Variants in CYFIP1 observed in about 807,000 individuals in gnomAD.
The protein encoded by CYFIP1 is cytoplasmic FMR1 interacting protein 1, also known as cytoplasmic FMR1-interacting protein 1.
CYFIP1 carries 58 observed loss-of-function variants against 163.5 expected under a neutral mutation model. That is an observed-to-expected ratio of 0.35 (90% CI 0.29 to 0.44). The LOEUF is 0.44. Ranked by LOEUF, CYFIP1 falls within the 20% of genes least tolerant of loss-of-function variation. The pLI is 1.00. For synonymous variants in CYFIP1, 663 were observed against 660.7 expected (o/e 1.00, Z -0.05); for missense variants, 1,338 against 1,653.8 (o/e 0.81, Z 3.31).
At chr15:22,883,628 T>C (rs987540109) in intron 23 of CYFIP1, among the ~76,000 whole-genome samples, 2 of 151,982 alleles carry the variant, frequency 1.3e-5, no homozygotes, top group Non-Finnish European at 2.9e-5. Context: ...CCATCCTGGC[T>C]AACACGGTGA....
At chr15:22,976,226 C>T (rs1301870968) in intron 1 of CYFIP1, among the ~76,000 whole-genome samples, 9 of 151,838 alleles carry the variant, frequency 5.9e-5, no homozygotes, top group African/African-American at 9.7e-5. Flanking sequence ...GGCGCGATCT[C>T]GGCTCACCAC....
At position 22,954,387 on chromosome 15, in the gene CYFIP1, C is replaced by T. The variant is rs373304746; in HGVS notation, c.-6-7096G>A. Reference sequence around the variant, plus strand: ...GTAGGACGGAGTCACCCAGGTGGGACGCAGATTCCCTGCGCTGTCTGCCAG... The same window carrying T: ...GTAGGACGGAGTCACCCAGGTGGGATGCAGATTCCCTGCGCTGTCTGCCAG... On this transcript the variant is annotated intron_variant, in intron 1 of 30. Coordinates refer to ENST00000617928, the MANE Select transcript of CYFIP1 (RefSeq NM_014608.6). Among the ~76,000 whole-genome samples the T allele has an allele frequency of 2.6e-5, 4 of 152,336 alleles. No individual in the cohort carries two copies. In the East Asian group the frequency reaches 5.8e-4, roughly 22 times the overall value.
rs1444132546 is a variant in CYFIP1, at chr15:22,868,971, A to ACTT, written c.*1054_*1056dup. 6.6e-5 allele frequency: 10 copies of ACTT among 152,258 alleles called. 1 individual carries two copies. The highest frequency in any genetic ancestry group is 6.8e-3 in the Middle Eastern group (2 of 294). 9.4% of individuals were successfully genotyped at this position (152,258 alleles called of 1,614,324 possible). On this transcript the variant is annotated 3_prime_UTR_variant, in exon 31 of 31. Coordinates refer to ENST00000617928, the MANE Select transcript of CYFIP1 (RefSeq NM_014608.6). ...ATTTTCAGAACCTCATTGCCTTAGT[A>ACTT]CTTTTTAAAATATGGCTTTAGTTTC...
intron 11 of CYFIP1, among the ~76,000 whole-genome samples, chr15:22,929,326 G>C (rs1028801293): frequency 6.6e-6 from 1 of 151,870 alleles, no homozygotes; most frequent in African/African-American, 2.4e-5. Context: ...AGTAGTGCTG[G>C]CATTGCTCTT....
intron 1 of CYFIP1, among the ~76,000 whole-genome samples, chr15:22,960,857 G>C (rs2062654235): frequency 6.6e-6 from 1 of 152,194 alleles, no homozygotes; most frequent in South Asian, 2.1e-4. Context: ...CTCTAAAGCT[G>C]CAGGTGGCTT....
rs2060245579 is a variant in CYFIP1 at position 22,896,614 on chromosome 15, A to G, written c.2589-3637T>C. Among the ~76,000 whole-genome samples, 7 of 152,202 alleles carry G rather than the reference A, an allele frequency of 4.6e-5. 1 individual carries two copies. The South Asian group carries it at 1.4e-3, about 32-fold the overall frequency. On this transcript the variant is annotated intron_variant, in intron 22 of 30. Coordinates refer to ENST00000617928, the MANE Select transcript of CYFIP1 (RefSeq NM_014608.6). ...AAAGTCTACTCTGATATTCGGCCCA[A>G]CAAGTAATTTTTCATTCTAGATACT...
At chr15:22,963,875 G>T (rs1172311944) in intron 1 of CYFIP1, among the ~76,000 whole-genome samples, 3 of 152,154 alleles carry the variant, frequency 2.0e-5, no homozygotes, top group Non-Finnish European at 4.4e-5. Flanking sequence ...ACGGCTTGTA[G>T]AAAGGACCTT....
At chr15:22,956,862 G>A (rs1342778668) in intron 1 of CYFIP1, among the ~76,000 whole-genome samples, 2 of 152,246 alleles carry the variant, frequency 1.3e-5, no homozygotes, top group Non-Finnish European at 2.9e-5. Flanking sequence ...CCTGGCCACG[G>A]AGGGACCTTG....
rs761819811 is a variant in CYFIP1 at position 22,917,281 on chromosome 15, G to C, written c.1674+507C>G. On this transcript the variant is annotated intron_variant, in intron 15 of 30. Coordinates refer to ENST00000617928, the MANE Select transcript of CYFIP1 (RefSeq NM_014608.6). The surrounding 1 kb of genome is among the most constrained non-coding windows in gnomAD (Gnocchi z 4.2). ...TGAGGGAGAAGACCAGCCCCAGGACGGAGGACAGACGCAGCGGTGTGGATT... is the reference window on the plus strand; with the variant it reads ...TGAGGGAGAAGACCAGCCCCAGGACCGAGGACAGACGCAGCGGTGTGGATT... The C allele has an allele frequency of 4.0e-5, 55 of 1,376,350 alleles. No individual in the cohort carries two copies. Among genetic ancestry groups the C allele is most frequent in the Non-Finnish European group, 4.9e-5 (52 of 1,071,224 alleles). 85.3% of individuals were successfully genotyped at this position (1,376,350 alleles called of 1,614,324 possible).
At chr15:22,935,260 G>A (rs967530141) in intron 9 of CYFIP1, among the ~76,000 whole-genome samples, 1 of 152,184 alleles carries the variant, frequency 6.6e-6, no homozygotes, top group African/African-American at 2.4e-5. Flanking sequence ...GGAGGCTTGT[G>A]GACAGGACAG....
chr15:22,903,641 A>G (rs2060471427), intron 22 of CYFIP1, 65 bp downstream of exon 22: 11 of 1,546,220 alleles, frequency 7.1e-6, no homozygotes, highest in East Asian at 2.2e-5. Context: ...ACATGGAGGA[A>G]GCCTGCGGGG....
At chr15:22,931,707 A>AAAAAAAAAAAAAAAAAAAAAC (rs2061543543) in intron 11 of CYFIP1, among the ~76,000 whole-genome samples, 1 of 149,952 alleles carries the variant, frequency 6.7e-6, no homozygotes, top group Non-Finnish European at 1.5e-5. Context: ...AAAAAAAAAA[A>AAAAAAAAAAAAAAAAAAAAAC]AAAGCTTTTT....
At chr15:22,910,924 T>C in intron 18 of CYFIP1, 111 bp from the exon 19 acceptor site, 1 of 943,072 alleles carries the variant, frequency 1.1e-6, no homozygotes, top group Non-Finnish European at 1.7e-6. Flanking sequence ...TCTTTTATTT[T>C]TTTGAGACGG....
chr15:22,954,493 C>T (rs1419315295), intron 1 of CYFIP1, among the ~76,000 whole-genome samples: 1 of 152,206 alleles, frequency 6.6e-6, no homozygotes, highest in Non-Finnish European at 1.5e-5. Flanking sequence ...CTGCTGGGAA[C>T]AAAACAAGCC....
At chr15:22,870,465 C>T (rs1269028154) in intron 30 of CYFIP1, among the ~76,000 whole-genome samples, 3 of 152,040 alleles carry the variant, frequency 2.0e-5, no homozygotes, top group East Asian at 3.9e-4. Flanking sequence ...TGTACCACCA[C>T]ACGCAGCTAA....
chr15:22,873,226 A>G (rs1444708571), intron 29 of CYFIP1, among the ~76,000 whole-genome samples: 1 of 151,748 alleles, frequency 6.6e-6, no homozygotes, highest in Non-Finnish European at 1.5e-5. Flanking sequence ...GTGATGAATG[A>G]CTCTATGGAC....
intron 23 of CYFIP1, among the ~76,000 whole-genome samples, chr15:22,884,125 TG>T (rs59479192): frequency 1 from 152,098 of 152,098 alleles, 76,049 homozygotes; most frequent in Non-Finnish European, 1. Flanking sequence ...GAGATTTGGG[TG>T]GGGGACACAG....
At position 22,883,709 on chromosome 15, in the gene CYFIP1, C is replaced by T. The variant is rs557685823; in HGVS notation, c.2677-698G>A. 6.1e-5 allele frequency among the ~76,000 whole-genome samples: 9 copies of T among 147,804 alleles called. No individual in the cohort carries two copies. The East Asian group carries it at 1.4e-3, about 24-fold the overall frequency. On this transcript the variant is annotated intron_variant, in intron 23 of 30. Transcript: ENST00000617928. The stretch of plus-strand genomic sequence containing the variant: ...GCAGGTGCCTGTAGTCCCAGCTACT[C>T]GGGAGGCTGAGGCAGGAGAATGGCA...
intron 12 of CYFIP1, among the ~76,000 whole-genome samples, chr15:22,926,849 A>C (rs2061371788): frequency 6.6e-6 from 1 of 152,234 alleles, no homozygotes; most frequent in African/African-American, 2.4e-5. Context: ...GGTACATTTC[A>C]GAATAGATAG....
Sources: gnomAD v4.1 joint callset for allele counts (sites outside exome capture counted in the v4.1 genomes callset) on GRCh38, gnomAD v4.1.1 for gene constraint, Gnocchi (gnomAD v3.1) non-coding constraint, MANE v1.5 for transcripts, NCBI Gene and HGNC (gene_info 2026-07-23, HGNC 2026-07-21) for gene names.